Variants in DRC11L observed in about 807,000 individuals in gnomAD.
The protein encoded by DRC11L is dynein regulatory complex subunit like-11.
the DRC11L span, among the ~76,000 whole-genome samples, chr7:151,202,353 C>G: frequency 1.9e-4 from 29 of 152,158 alleles, no homozygotes; most frequent in Non-Finnish European, 4.0e-4. Flanking sequence ...GGCTCATTTT[C>G]AACAGTCTTA....
the DRC11L span, chr7:151,193,481 T>C: frequency 7.5e-6 from 3 of 399,190 alleles, no homozygotes; most frequent in Non-Finnish European, 1.3e-5. Flanking sequence ...GATGTGGATA[T>C]CCGGGGAGCC....
chr7:151,193,666 C>G, the DRC11L span, among the ~76,000 whole-genome samples: 2 of 152,156 alleles, frequency 1.3e-5, no homozygotes, highest in East Asian at 3.9e-4. Flanking sequence ...GTCTGGGAGC[C>G]GGGAGTGGCA....
chr7:151,196,715 A>AC, the DRC11L span, among the ~76,000 whole-genome samples: 2 of 152,118 alleles, frequency 1.3e-5, no homozygotes, highest in African/African-American at 4.8e-5. Flanking sequence ...GTCCCCACCC[A>AC]CCAGCCTGGC....
At chr7:151,195,849 C>G in the DRC11L span, 1 of 384,970 alleles carries the variant, frequency 2.6e-6, no homozygotes. Flanking sequence ...CCTCCTGGCA[C>G]CTGTTCACAC....
the DRC11L span, chr7:151,196,847 G>A: frequency 5.0e-6 from 2 of 398,366 alleles, no homozygotes; most frequent in Non-Finnish European, 8.8e-6. Context: ...CTCATTTGGT[G>A]TTGTCCCCTT....
chr7:151,204,484 T>G, the DRC11L span: 1 of 350,396 alleles, frequency 2.9e-6, no homozygotes, highest in East Asian at 4.2e-5. Flanking sequence ...GCTGGGGGCG[T>G]GGCTTCGCGG....
chr7:151,196,475 T>C, the DRC11L span: 1 of 399,472 alleles, frequency 2.5e-6, no homozygotes, highest in African/African-American at 2.1e-5. Context: ...GCTCCACCTC[T>C]TTCCTCTTCT....
the DRC11L span, chr7:151,197,348 C>T: frequency 2.5e-6 from 1 of 399,096 alleles, no homozygotes; most frequent in Non-Finnish European, 4.4e-6. Flanking sequence ...TGACCCAAGA[C>T]ATTTCAGAGA....
At chr7:151,197,185 G>A in the DRC11L span, 3 of 399,272 alleles carry the variant, frequency 7.5e-6, no homozygotes, top group Non-Finnish European at 1.3e-5. Flanking sequence ...CTCACACCAT[G>A]CATCCGAGAG....
At chr7:151,195,323 T>C in the DRC11L span, 2 of 398,502 alleles carry the variant, frequency 5.0e-6, no homozygotes, top group Non-Finnish European at 8.9e-6. Context: ...AAAGCGACTT[T>C]CCCAAGGTCT....
the DRC11L span, chr7:151,195,310 G>T: frequency 2.5e-6 from 1 of 398,244 alleles, no homozygotes; most frequent in Non-Finnish European, 4.4e-6. Flanking sequence ...GAGTCAGAGA[G>T]GGAAAGCGAC....
the DRC11L span, chr7:151,204,391 C>G: frequency 7.6e-6 from 3 of 393,672 alleles, no homozygotes; most frequent in Non-Finnish European, 1.3e-5. Flanking sequence ...CTACCCCACC[C>G]GACCCCAAGC....
the DRC11L span, chr7:151,196,505 G>A: frequency 2.5e-6 from 1 of 399,560 alleles, no homozygotes; most frequent in Non-Finnish European, 4.4e-6. Flanking sequence ...GGGTCTCGGA[G>A]TCATAATTCT....
chr7:151,197,301 C>A, the DRC11L span: 30 of 399,048 alleles, frequency 7.5e-5, no homozygotes, highest in Non-Finnish European at 4.4e-5. Context: ...TGTTCTCTTG[C>A]ATCTGCATTT....
chr7:151,202,046 C>T, the DRC11L span, among the ~76,000 whole-genome samples: 9 of 152,238 alleles, frequency 5.9e-5, no homozygotes, highest in Admixed American at 2.6e-4. Context: ...GTGTGAGAAC[C>T]AGGATGGTAA....
At chr7:151,200,373 T>C in the DRC11L span, 2 of 399,006 alleles carry the variant, frequency 5.0e-6, no homozygotes, top group Non-Finnish European at 8.8e-6. Flanking sequence ...GGTGGGCAGG[T>C]TGAGCTCACC....
chr7:151,192,829 C>T, the DRC11L span: 1 of 399,088 alleles, frequency 2.5e-6, no homozygotes, highest in Non-Finnish European at 4.4e-6. Flanking sequence ...AGTCGGGCTA[C>T]CTGGATGGGT....
chr7:151,195,242 G>C, the DRC11L span, among the ~76,000 whole-genome samples: 2 of 152,138 alleles, frequency 1.3e-5, no homozygotes, highest in Non-Finnish European at 2.9e-5. Context: ...GCCTTTGCTT[G>C]ATCCCCACGG....
the DRC11L span, chr7:151,202,825 C>T: frequency 2.5e-6 from 1 of 398,838 alleles, no homozygotes; most frequent in East Asian, 3.6e-5. Context: ...CAAGCACTTG[C>T]ACTCCTGTGA....
Sources: allele counts gnomAD v4.1 joint callset (sites outside exome capture counted in the v4.1 genomes callset), GRCh38; gene constraint gnomAD v4.1.1; transcripts MANE v1.5; gene names NCBI Gene and HGNC (gene_info 2026-07-23, HGNC 2026-07-21).